TTC39B: variants seen among roughly 807,000 people sequenced by gnomAD.
The protein encoded by TTC39B is tetratricopeptide repeat protein 39B.
A neutral mutation model predicts 96.6 loss-of-function variants in TTC39B; 92 were observed. The ratio of observed to expected loss-of-function variants is 0.95; its 90% CI spans 0.80 to 1.13. The LOEUF (loss-of-function observed/expected upper bound fraction) is 1.13. TTC39B is among the 50% of genes most tolerant of loss of function. The probability of loss-of-function intolerance (pLI) is 0.00; values close to 1 mark genes in which losing one functional copy is unlikely to be tolerated. For missense variants in TTC39B, 955 were observed against 809.3 expected (o/e 1.18, Z -2.18); for synonymous variants, 367 against 299.4 (o/e 1.23, Z -2.33).
At chr9:15,265,928 T>C (rs1823114273) in intron 2 of TTC39B, among the ~76,000 whole-genome samples, 1 of 151,880 alleles carries the variant, frequency 6.6e-6, no homozygotes, top group Admixed American at 6.6e-5. Context: ...AAAACGAGAG[T>C]CTGAGAGACT....
chr9:15,170,814 G>C (rs1219778334), exon 20 of TTC39B: 2 of 152,202 alleles, frequency 1.3e-5, no homozygotes, highest in African/African-American at 4.8e-5. Context: ...CAATGATGAT[G>C]ATTGAAAAAT....
At chr9:15,291,647 T>A (rs1481997073) in intron 1 of TTC39B, among the ~76,000 whole-genome samples, 1 of 152,218 alleles carries the variant, frequency 6.6e-6, no homozygotes, top group Non-Finnish European at 1.5e-5. Context: ...CATGTTTAAG[T>A]TCCTGCTAGA....
chr9:15,192,543 T>C (rs1818915544), intron 9 of TTC39B, 47 bp downstream of exon 9: 5 of 1,468,770 alleles, frequency 3.4e-6, no homozygotes, highest in African/African-American at 2.8e-5. Flanking sequence ...CAGAAAACCT[T>C]AGGTTCTTCT....
At chr9:15,283,733 T>C (rs919111475) in intron 1 of TTC39B, among the ~76,000 whole-genome samples, 2 of 152,194 alleles carry the variant, frequency 1.3e-5, no homozygotes, top group African/African-American at 4.8e-5. Flanking sequence ...CCTGTGCATA[T>C]CGGAATTTTA....
chr9:15,204,439 G>C (rs1400788883), intron 6 of TTC39B, among the ~76,000 whole-genome samples: 3 of 151,658 alleles, frequency 2.0e-5, no homozygotes, highest in African/African-American at 4.8e-5. Flanking sequence ...TGAGGTAGGA[G>C]AATCACTTGA....
In TTC39B at chr9:15,225,897, T is replaced by G. The variant is rs1415683298; in HGVS notation, c.371+20A>C. On this transcript the variant is annotated intron_variant, in intron 3 of 19. Coordinates refer to ENST00000512701, the Ensembl canonical transcript of TTC39B. ...CTGTCCTCCCCTCTTCCCCCAGGAA[T>G]GCCCACAACCCTTCCTGACCTGCTG... The G allele has an allele frequency of 1.2e-5, 20 of 1,605,908 alleles. No homozygotes were observed. Among genetic ancestry groups the G allele is most frequent in the Admixed American group, 1.7e-5 (1 of 59,474 alleles).
intron 16 of TTC39B, chr9:15,183,482 T>A (rs1368352839): frequency 4.2e-5 from 14 of 331,348 alleles, no homozygotes; most frequent in South Asian, 1.3e-4. Flanking sequence ...AAAAAAAAAA[T>A]CCCAGTACTA....
At chr9:15,233,029 G>A (rs1004796257) in intron 2 of TTC39B, among the ~76,000 whole-genome samples, 10 of 152,190 alleles carry the variant, frequency 6.6e-5, no homozygotes, top group Non-Finnish European at 1.3e-4. Context: ...TGTGGATAGG[G>A]AAAGAGGAAA....
intron 1 of TTC39B, among the ~76,000 whole-genome samples, chr9:15,273,667 CAGG>C (rs540282730): frequency 0.31 from 46,513 of 152,048 alleles, 11,541 homozygotes; most frequent in African/African-American, 0.69. Context: ...CACAGGTGGG[CAGG>C]TGCCCACCCC....
chr9:15,181,970 T>G (rs1449033288), intron 17 of TTC39B, among the ~76,000 whole-genome samples: 1 of 152,222 alleles, frequency 6.6e-6, no homozygotes, highest in Non-Finnish European at 1.5e-5. Context: ...TCATAACTCC[T>G]AACTTCCATA....
intron 6 of TTC39B, among the ~76,000 whole-genome samples, chr9:15,205,758 A>G (rs963629727): frequency 6.6e-6 from 1 of 152,220 alleles, no homozygotes; most frequent in Non-Finnish European, 1.5e-5. Context: ...AAGTCTGCTC[A>G]GGAATACAGA....
chr9:15,193,850 T>C (rs1297660946), intron 8 of TTC39B, among the ~76,000 whole-genome samples: 1 of 152,190 alleles, frequency 6.6e-6, no homozygotes, highest in Non-Finnish European at 1.5e-5. Flanking sequence ...TTTTACTAAA[T>C]AATTGGCCAG....
chr9:15,199,734 CAAAAAAA>C (rs35361396), intron 8 of TTC39B, 120 bp downstream of exon 8: 131 of 70,618 alleles, frequency 1.9e-3, no homozygotes, highest in Middle Eastern at 4.6e-3. Context: ...GACTCCGTCT[CAAAAAAA>C]AAAAAAAAAA....
At chr9:15,170,186 T>TATCTGAAGG (rs1817602437) in exon 20 of TTC39B, 1 of 8,082 alleles carries the variant, frequency 1.2e-4, no homozygotes, top group Non-Finnish European at 2.0e-4. Context: ...CTACCGCCAT[T>TATCTGAAGG]GATATCTATC....
At chr9:15,281,193 C>T (rs1395380237) in intron 1 of TTC39B, among the ~76,000 whole-genome samples, 1 of 151,956 alleles carries the variant, frequency 6.6e-6, no homozygotes, top group Non-Finnish European at 1.5e-5. Context: ...ACAACAACAA[C>T]AACAAAAACC....
intron 18 of TTC39B, among the ~76,000 whole-genome samples, chr9:15,177,405 G>C (rs1288867950): frequency 1.3e-5 from 2 of 152,116 alleles, no homozygotes; most frequent in African/African-American, 4.8e-5. Flanking sequence ...GAGTAGCAGA[G>C]ATTCAGTATG....
chr9:15,254,606 A>C (rs2131516286), intron 2 of TTC39B, among the ~76,000 whole-genome samples: 1 of 152,306 alleles, frequency 6.6e-6, no homozygotes, highest in Admixed American at 6.5e-5. Context: ...TCTGCTGAAA[A>C]TACAGGACCC....
chr9:15,292,979 T>C (rs1380885923), intron 1 of TTC39B, among the ~76,000 whole-genome samples: 1 of 152,240 alleles, frequency 6.6e-6, no homozygotes, highest in Non-Finnish European at 1.5e-5. Flanking sequence ...TAATGTGTAA[T>C]AATGTCCTAG....
chr9:15,242,418 C>T (rs1822085370), intron 2 of TTC39B, among the ~76,000 whole-genome samples: 1 of 152,010 alleles, frequency 6.6e-6, no homozygotes, highest in Non-Finnish European at 1.5e-5. Flanking sequence ...CCCATCTCTA[C>T]AAAAAATACG....
Sources: allele counts gnomAD v4.1 joint callset (sites outside exome capture counted in the v4.1 genomes callset), GRCh38; gene constraint gnomAD v4.1.1; transcripts MANE v1.5; gene names NCBI Gene and HGNC (gene_info 2026-07-23, HGNC 2026-07-21).